The following WDFY4 variants were observed in gnomAD, a reference collection of about 807,000 sequenced individuals.
WDFY4 encodes the protein WDFY family member 4.
A neutral mutation model predicts 351.9 loss-of-function variants in WDFY4; 169 were observed. That is an observed-to-expected ratio of 0.48 (90% CI 0.42 to 0.55). The LOEUF (loss-of-function observed/expected upper bound fraction) is 0.55, where lower values mean the gene tolerates loss of function less well. WDFY4 is among the 20% of genes least tolerant of loss of function. WDFY4 has a pLI of 0.00. For synonymous variants in WDFY4, 1,622 were observed against 1,574.6 expected (o/e 1.03, Z -0.71); for missense variants, 3,803 against 3,935.6 (o/e 0.97, Z 0.90).
intron 32 of WDFY4, among the ~76,000 whole-genome samples, chr10:48,818,393 A>T (rs1442185582): frequency 6.6e-6 from 1 of 152,206 alleles, no homozygotes; most frequent in Non-Finnish European, 1.5e-5. Context: ...AAGCATACCC[A>T]TGGCGGCAGC....
chr10:48,708,746 C>T (rs1409179128), intron 1 of WDFY4, among the ~76,000 whole-genome samples: 1 of 152,158 alleles, frequency 6.6e-6, no homozygotes. Context: ...AACACTGCTC[C>T]TGTGTGCACT....
chr10:48,786,858 G>GT lies in WDFY4; in HGVS notation c.3797dup (p.His1267AlafsTer10). On this transcript the variant is annotated frameshift_variant, in exon 20 of 62. Coordinates refer to ENST00000325239, the MANE Select transcript of WDFY4 (RefSeq NM_001394531.1). LOFTEE classifies it high-confidence loss of function. Reference sequence around the variant, plus strand: ...AAGATATTGTGGTAACTTCCAAGCTGTGCATGTCCAAGGTATGGAGTGTTT... The same window carrying GT: ...AAGATATTGTGGTAACTTCCAAGCTGTTGCATGTCCAAGGTATGGAGTGTTT... 1 of 1,551,896 alleles carries GT rather than the reference G, an allele frequency of 6.4e-7. No individual in the cohort carries two copies. The highest frequency in any genetic ancestry group is 1.2e-5 in the South Asian group (1 of 84,052).
intron 57 of WDFY4, 116 bp from the exon 58 acceptor site, chr10:48,974,746 C>T: frequency 9.2e-7 from 1 of 1,091,756 alleles, no homozygotes; most frequent in Non-Finnish European, 1.3e-6. Flanking sequence ...GAATCACTGA[C>T]TCACTCAGAA....
chr10:48,954,009 A>T (rs1277501600), intron 51 of WDFY4, among the ~76,000 whole-genome samples: 1 of 152,148 alleles, frequency 6.6e-6, no homozygotes, highest in Admixed American at 6.5e-5. Flanking sequence ...CTGTCCCCTG[A>T]TTTTAACTTG....
intron 24 of WDFY4, among the ~76,000 whole-genome samples, chr10:48,800,719 T>TTTCTTTCTTTCA (rs2067050948): frequency 8.2e-6 from 1 of 122,220 alleles, no homozygotes; most frequent in Non-Finnish European, 1.6e-5. Flanking sequence ...TCTTTCTTTC[T>TTTCTTTCTTTCA]TTCATTCTTT....
At chr10:48,953,964 T>C (rs886969133) in intron 51 of WDFY4, among the ~76,000 whole-genome samples, 2 of 152,194 alleles carry the variant, frequency 1.3e-5, no homozygotes, top group Non-Finnish European at 2.9e-5. Flanking sequence ...TCTTTTCAGG[T>C]TTTCCAGCTT....
At chr10:48,815,040 ATCTT>A (rs2067574701) in intron 31 of WDFY4, among the ~76,000 whole-genome samples, 1 of 152,258 alleles carries the variant, frequency 6.6e-6, no homozygotes, top group African/African-American at 2.4e-5. Flanking sequence ...TTAAACAAAT[ATCTT>A]TCTTTCTGTC....
In WDFY4 at chr10:48,866,426, G is replaced by A. The variant is rs559264118; in HGVS notation, c.6664-839G>A. ...GCTAATTGATTTCAAATTTTGTTCC[G>A]TTGTGATTAAAAGACATGCTTTGTA... is the stretch of plus-strand genomic sequence containing the variant. On this transcript the variant is annotated intron_variant, in intron 39 of 61. Transcript: ENST00000325239. 2.2e-3 allele frequency among the ~76,000 whole-genome samples: 340 copies of A among 152,112 alleles called. 1 individual carries two copies. Among genetic ancestry groups the A allele is most frequent in the South Asian group, 0.015 (73 of 4,812 alleles).
chr10:48,961,377 G>A (rs550172144), intron 53 of WDFY4, among the ~76,000 whole-genome samples: 1 of 152,202 alleles, frequency 6.6e-6, no homozygotes, highest in Non-Finnish European at 1.5e-5. Flanking sequence ...TAAAGATGTA[G>A]CCAAAAACAG....
In WDFY4 at chr10:48,722,690, T is replaced by C. The variant is rs556509450; in HGVS notation, c.457-743T>C. 1.2e-4 allele frequency among the ~76,000 whole-genome samples: 19 copies of C among 152,282 alleles called. No homozygotes were observed. The South Asian group carries it at 3.7e-3, about 30-fold the overall frequency. ...ACACGTGCACACACACATGCACACA[T>C]GCATCATGCACACACACACACGTGC... On this transcript the variant is annotated intron_variant, in intron 4 of 61. Coordinates refer to ENST00000325239, the MANE Select transcript of WDFY4 (RefSeq NM_001394531.1).
In WDFY4 at chr10:48,796,282, G is replaced by A; in HGVS notation, c.4258-16G>A. On this transcript the variant is annotated splice_polypyrimidine_tract_variant and intron_variant, in intron 23 of 61. Coordinates refer to ENST00000325239, the MANE Select transcript of WDFY4 (RefSeq NM_001394531.1). ...GATGCATTCATGAGGAAACTGCTTTGTGTTAACCTTTTCAGATAATGGCGT... is the reference window on the plus strand; with the variant it reads ...GATGCATTCATGAGGAAACTGCTTTATGTTAACCTTTTCAGATAATGGCGT... 6.4e-7 allele frequency: 1 copy of A among 1,550,496 alleles called. No individual in the cohort carries two copies. The highest frequency in any genetic ancestry group is 2.4e-5 in the East Asian group (1 of 40,888).
At chr10:48,977,497 C>T (rs1167889349) in intron 59 of WDFY4, among the ~76,000 whole-genome samples, 1 of 152,184 alleles carries the variant, frequency 6.6e-6, no homozygotes, top group East Asian at 1.9e-4. Flanking sequence ...ATCCATCCAT[C>T]CATCCATGCA....
intron 39 of WDFY4, among the ~76,000 whole-genome samples, chr10:48,856,915 C>A (rs1028015870): frequency 2.6e-5 from 4 of 152,160 alleles, no homozygotes; most frequent in African/African-American, 7.2e-5. Flanking sequence ...CACAGAGGCA[C>A]ACAGATACAA....
Position 48,873,560 on chromosome 10 carries a change from C to T in WDFY4, c.6811C>T (p.Leu2271=). The T allele has an allele frequency of 6.4e-7, 1 of 1,551,728 alleles. No individual in the cohort carries two copies. Among genetic ancestry groups the T allele is most frequent in the Non-Finnish European group, 8.7e-7 (1 of 1,146,988 alleles). The change falls in exon 41 of 62, where the codon CTG becomes TTG. Residue 2271 remains leucine, a synonymous_variant. Transcript: ENST00000325239. The stretch of plus-strand genomic sequence containing the variant: ...GATCCAGGAGCAGCTTTTTGGGGAG[C>T]TGGGCTTGTGGAGCCAGGGGGAAGA... ...ARIQEQLFGE[L]GLWSQGEETK...
At chr10:48,885,716 C>A (rs893230587) in intron 43 of WDFY4, among the ~76,000 whole-genome samples, 2 of 148,246 alleles carry the variant, frequency 1.3e-5, no homozygotes, top group African/African-American at 5.0e-5. Context: ...AGGAGATGTT[C>A]TCTCTCTCTC....
chr10:48,756,594 A>G (rs1565164275), intron 12 of WDFY4, among the ~76,000 whole-genome samples: 2 of 152,050 alleles, frequency 1.3e-5, no homozygotes, highest in Admixed American at 6.5e-5. Context: ...AACATCAGCT[A>G]TGGGAATTTG....
At chr10:48,804,925 C>T (rs2067202654) in intron 25 of WDFY4, among the ~76,000 whole-genome samples, 3 of 152,076 alleles carry the variant, frequency 2.0e-5, no homozygotes, top group Admixed American at 2.0e-4. Context: ...GAAGTACTCC[C>T]CAGTCACATG....
In WDFY4 at chr10:48,777,746, T is replaced by C. The variant is rs537660385; in HGVS notation, c.3175+251T>C. 2.6e-5 allele frequency among the ~76,000 whole-genome samples: 4 copies of C among 152,226 alleles called. No homozygotes were observed. In the East Asian group the frequency reaches 7.7e-4, roughly 29 times the overall value. On this transcript the variant is annotated intron_variant, in intron 17 of 61. Coordinates refer to ENST00000325239, the MANE Select transcript of WDFY4 (RefSeq NM_001394531.1). Reference sequence around the variant, plus strand: ...ACCTGGGCTACAGTGTAAGACCCAGTTTCAAAAAAAGAAAAGCAAACATGA... The same window carrying C: ...ACCTGGGCTACAGTGTAAGACCCAGCTTCAAAAAAAGAAAAGCAAACATGA...
chr10:48,833,792 A>G (rs969486534), intron 39 of WDFY4, among the ~76,000 whole-genome samples: 1 of 152,226 alleles, frequency 6.6e-6, no homozygotes, highest in African/African-American at 2.4e-5. Context: ...AGTGGGATAA[A>G]TAACTGTGAG....
Sources: gnomAD v4.1 joint callset for allele counts (sites outside exome capture counted in the v4.1 genomes callset) on GRCh38, gnomAD v4.1.1 for gene constraint, MANE v1.5 for transcripts, NCBI Gene and HGNC (gene_info 2026-07-23, HGNC 2026-07-21) for gene names.